Variants in COL4A6 observed in about 807,000 individuals in gnomAD.
COL4A6 encodes collagen alpha-6(IV) chain.
A neutral mutation model predicts 126.7 loss-of-function variants in COL4A6; 59 were observed. The ratio of observed to expected loss-of-function variants is 0.47; its 90% CI spans 0.38 to 0.58. The LOEUF (loss-of-function observed/expected upper bound fraction) is 0.58. Ranked by LOEUF, COL4A6 falls within the 20% of genes least tolerant of loss-of-function variation. COL4A6 has a pLI of 0.00. For synonymous variants in COL4A6, 547 were observed against 496.6 expected (o/e 1.10, Z -1.35); for missense variants, 1,285 against 1,337.3 (o/e 0.96, Z 0.61).
chrX:108,293,141 G>A (rs1032054786), intron 3 of COL4A6, among the ~76,000 whole-genome samples: 82 of 110,056 alleles, frequency 7.5e-4, no homozygotes, highest in African/African-American at 2.7e-3. Context: ...TAGTGTTTTG[G>A]GAGGTATTAT....
At chrX:108,366,878 G>T (rs950669132) in intron 2 of COL4A6, among the ~76,000 whole-genome samples, 2 of 112,206 alleles carry the variant, frequency 1.8e-5, no homozygotes, top group South Asian at 3.7e-4. Context: ...GACTAATAGT[G>T]TATGACATCA....
intron 2 of COL4A6, among the ~76,000 whole-genome samples, chrX:108,374,616 T>C (rs1411639866): frequency 8.9e-6 from 1 of 112,258 alleles, no homozygotes; most frequent in Non-Finnish European, 1.9e-5. Flanking sequence ...ACCTCATTTG[T>C]TCATTTCGTA....
At chrX:108,426,214 T>C (rs1277593172) in intron 2 of COL4A6, among the ~76,000 whole-genome samples, 3 of 111,689 alleles carry the variant, frequency 2.7e-5, no homozygotes, top group Non-Finnish European at 5.6e-5. Context: ...CACTCAAAGT[T>C]GTACAGAGCA....
At chrX:108,291,036 A>C (rs941286515) in intron 3 of COL4A6, among the ~76,000 whole-genome samples, 3 of 112,092 alleles carry the variant, frequency 2.7e-5, no homozygotes, top group African/African-American at 9.7e-5. Context: ...TGTCTTGGGA[A>C]AGCCCTCAGT....
intron 3 of COL4A6, among the ~76,000 whole-genome samples, chrX:108,223,180 T>C (rs747525151): frequency 1.4e-4 from 15 of 110,973 alleles, no homozygotes; most frequent in Non-Finnish European, 2.1e-4. Flanking sequence ...AGTTGAACAA[T>C]GACAACATAT....
intron 3 of COL4A6, among the ~76,000 whole-genome samples, chrX:108,278,363 G>A (rs988302272): frequency 2.6e-4 from 29 of 112,225 alleles, no homozygotes; most frequent in Non-Finnish European, 4.5e-4. Context: ...CTCAGGAGCC[G>A]ATGCAATCAA....
intron 2 of COL4A6, among the ~76,000 whole-genome samples, chrX:108,404,258 A>G (rs2041158092): frequency 8.9e-6 from 1 of 112,338 alleles, no homozygotes; most frequent in Non-Finnish European, 1.9e-5. Context: ...TTTAAAATAT[A>G]CAAATCCTAT....
At chrX:108,188,769 C>G in intron 20 of COL4A6, 92 bp from the exon 21 acceptor site, 1 of 871,580 alleles carries the variant, frequency 1.1e-6, no homozygotes, top group Non-Finnish European at 1.5e-6. Flanking sequence ...TTGAACAACT[C>G]CATAGAGGGA....
chrX:108,207,060 A>G (rs769792828), intron 8 of COL4A6, among the ~76,000 whole-genome samples: 1 of 111,608 alleles, frequency 9.0e-6, no homozygotes, highest in East Asian at 2.8e-4. Flanking sequence ...ATTTGTCAAA[A>G]CTCAGCAAAC....
At chrX:108,285,970 A>T (rs1569407332) in intron 3 of COL4A6, among the ~76,000 whole-genome samples, 1 of 111,718 alleles carries the variant, frequency 9.0e-6, no homozygotes, top group African/African-American at 3.3e-5. Context: ...TGGTGTTCTA[A>T]AGAATGCAGT....
At chrX:108,412,222 A>G (rs1405477551) in intron 2 of COL4A6, among the ~76,000 whole-genome samples, 1 of 112,295 alleles carries the variant, frequency 8.9e-6, no homozygotes, top group East Asian at 2.8e-4. Context: ...AGCTTTCCAA[A>G]AACAAGTATT....
At chrX:108,261,929 A>G (rs1242530928) in intron 3 of COL4A6, among the ~76,000 whole-genome samples, 1 of 112,143 alleles carries the variant, frequency 8.9e-6, no homozygotes, top group Non-Finnish European at 1.9e-5. Flanking sequence ...ATGTCCCAGG[A>G]TACTCTGCAG....
chrX:108,278,425 G>A (rs2037686061), intron 3 of COL4A6, among the ~76,000 whole-genome samples: 1 of 111,573 alleles, frequency 9.0e-6, no homozygotes, highest in African/African-American at 3.3e-5. Flanking sequence ...AATGAAGCAA[G>A]AAGGGAAGTT....
At chrX:108,305,256 A>G (rs915057407) in intron 3 of COL4A6, among the ~76,000 whole-genome samples, 6 of 112,330 alleles carry the variant, frequency 5.3e-5, no homozygotes, top group African/African-American at 1.9e-4. Context: ...CAAGTATAAA[A>G]CCTGCAACAC....
At chrX:108,193,205 C>T (rs2035104529) in intron 17 of COL4A6, among the ~76,000 whole-genome samples, 1 of 112,065 alleles carries the variant, frequency 8.9e-6, no homozygotes, top group African/African-American at 3.2e-5. Context: ...GCCACTTGCT[C>T]CCCTAACTAA....
intron 28 of COL4A6, among the ~76,000 whole-genome samples, chrX:108,176,233 G>A (rs1358139785): frequency 1.9e-5 from 2 of 107,969 alleles, no homozygotes; most frequent in Non-Finnish European, 1.9e-5. Context: ...GCTGAGGCAG[G>A]AGAATTGCTT....
intron 3 of COL4A6, among the ~76,000 whole-genome samples, chrX:108,235,205 G>A (rs144307331): frequency 0.034 from 3,824 of 111,364 alleles, 170 homozygotes; most frequent in African/African-American, 0.12. Context: ...TCCAATAGGA[G>A]GAAGGTAAGA....
intron 3 of COL4A6, among the ~76,000 whole-genome samples, chrX:108,295,615 T>C (rs1308486806): frequency 8.9e-6 from 1 of 112,747 alleles, no homozygotes; most frequent in Non-Finnish European, 1.9e-5. Flanking sequence ...AAACTTTTTC[T>C]CTGCACTTGG....
At chrX:108,267,339 C>G (rs961063006) in intron 3 of COL4A6, among the ~76,000 whole-genome samples, 1 of 112,243 alleles carries the variant, frequency 8.9e-6, no homozygotes. Flanking sequence ...CATCTGCAAC[C>G]TTAATTGCCC....
Sources: allele counts gnomAD v4.1 joint callset (sites outside exome capture counted in the v4.1 genomes callset), GRCh38; gene constraint gnomAD v4.1.1; transcripts MANE v1.5; gene names NCBI Gene and HGNC (gene_info 2026-07-23, HGNC 2026-07-21).